Variants in RAB6B observed in about 807,000 individuals in gnomAD.
The protein encoded by RAB6B is RAB6B, member RAS oncogene family.
A neutral mutation model predicts 31.2 loss-of-function variants in RAB6B; 7 were observed. The observed-to-expected ratio is 0.22, with a 90% CI of 0.13 to 0.42. RAB6B has a LOEUF of 0.42. Ranked by LOEUF, RAB6B falls within the 10% of genes least tolerant of loss-of-function variation. The probability of loss-of-function intolerance (pLI) is 1.00; values close to 1 mark genes in which losing one functional copy is unlikely to be tolerated. For missense variants in RAB6B, 149 were observed against 280.6 expected, an observed-to-expected ratio of 0.53 and a Z score of 3.35; for synonymous variants, 105 against 104.9, an observed-to-expected ratio of 1.00 and a Z score of -0.01.
chr3:133,833,144 T>C (rs1281684053), intron 7 of RAB6B, among the ~76,000 whole-genome samples: 1 of 152,184 alleles, frequency 6.6e-6, no homozygotes, highest in Non-Finnish European at 1.5e-5. Flanking sequence ...ATGTTTGCCC[T>C]TCAGGTTGGC....
chr3:133,848,297 C>G (rs1348063093), intron 2 of RAB6B, among the ~76,000 whole-genome samples: 2 of 152,190 alleles, frequency 1.3e-5, no homozygotes, highest in African/African-American at 2.4e-5. Flanking sequence ...GAACTGGTTG[C>G]TTGGCCTCCT....
intron 6 of RAB6B, among the ~76,000 whole-genome samples, chr3:133,835,116 G>C (rs192113518): frequency 6.6e-6 from 1 of 152,220 alleles, no homozygotes; most frequent in African/African-American, 2.4e-5. Context: ...CGAACAGCAG[G>C]GCCAGGGCTG....
rs1199817450 is a variant in RAB6B, at chr3:133,866,894, G to A, written c.71-2252C>T. On this transcript the variant is annotated intron_variant, in intron 1 of 7. Coordinates refer to ENST00000285208, the MANE Select transcript of RAB6B (RefSeq NM_016577.4). ...GCTGGTCACTTCCCTAGGCAGCGAC[G>A]CTCTGCGTCTTGCACCTTAGGGAAA... is the stretch of plus-strand genomic sequence containing the variant. Among the ~76,000 whole-genome samples, 5 of 152,276 alleles carry A rather than the reference G, an allele frequency of 3.3e-5. 1 individual carries two copies. The South Asian group carries it at 6.2e-4, about 19-fold the overall frequency.
intron 7 of RAB6B, among the ~76,000 whole-genome samples, chr3:133,831,119 A>G (rs540336638): frequency 6.6e-6 from 1 of 152,326 alleles, no homozygotes; most frequent in East Asian, 1.9e-4. Context: ...TTTGATCACA[A>G]TACTTTTGTA....
chr3:133,843,106 G>A (rs1935859805), intron 2 of RAB6B, among the ~76,000 whole-genome samples: 1 of 152,210 alleles, frequency 6.6e-6, no homozygotes, highest in Non-Finnish European at 1.5e-5. Context: ...CACCCTCCTG[G>A]AAGCTTGCCT....
chr3:133,879,038 T>C (rs1388527121), intron 1 of RAB6B, among the ~76,000 whole-genome samples: 6 of 152,192 alleles, frequency 3.9e-5, no homozygotes, highest in African/African-American at 2.4e-5. Flanking sequence ...GCCACTCATT[T>C]CTTGTGTGAT....
chr3:133,857,710 A>G (rs892125652), intron 2 of RAB6B, among the ~76,000 whole-genome samples: 2 of 152,210 alleles, frequency 1.3e-5, no homozygotes, highest in Admixed American at 1.3e-4. Flanking sequence ...AGCCATTTGC[A>G]AGCATTTTGG....
At chr3:133,850,782 T>C (rs183269587) in intron 2 of RAB6B, among the ~76,000 whole-genome samples, 16 of 152,092 alleles carry the variant, frequency 1.1e-4, no homozygotes, top group Admixed American at 9.2e-4. Context: ...GAGACACATT[T>C]ACAGATTCAA....
chr3:133,851,104 TAAAC>T (rs958703837), intron 2 of RAB6B, among the ~76,000 whole-genome samples: 1 of 151,148 alleles, frequency 6.6e-6, no homozygotes, highest in Non-Finnish European at 1.5e-5. Context: ...TATTTTTAGA[TAAAC>T]AAAAACAAAG....
intron 1 of RAB6B, among the ~76,000 whole-genome samples, chr3:133,889,786 C>A (rs1936612572): frequency 6.6e-6 from 1 of 152,118 alleles, no homozygotes; most frequent in South Asian, 2.1e-4. Flanking sequence ...AATCTGGGGG[C>A]TGCAAATGAT....
intron 2 of RAB6B, among the ~76,000 whole-genome samples, chr3:133,843,315 T>C (rs927751180): frequency 5.9e-5 from 9 of 152,238 alleles, no homozygotes; most frequent in Non-Finnish European, 8.8e-5. Flanking sequence ...AGCTGCAAAC[T>C]TGGCAGCACC....
At chr3:133,848,220 A>G (rs544538445) in intron 2 of RAB6B, among the ~76,000 whole-genome samples, 1 of 152,350 alleles carries the variant, frequency 6.6e-6, no homozygotes, top group Admixed American at 6.5e-5. Context: ...CGCCTCTGGA[A>G]GCCTGAAAGC....
intron 1 of RAB6B, among the ~76,000 whole-genome samples, chr3:133,868,239 C>T (rs1448441709): frequency 6.6e-6 from 1 of 152,194 alleles, no homozygotes; most frequent in Non-Finnish European, 1.5e-5. Context: ...GTGCTAGAAC[C>T]TGCAAATGGA....
At chr3:133,829,351 A>G (rs372761226) in intron 7 of RAB6B, among the ~76,000 whole-genome samples, 8 of 152,190 alleles carry the variant, frequency 5.3e-5, no homozygotes, top group African/African-American at 1.9e-4. Flanking sequence ...TGGTTACTGT[A>G]AGAAGCCACA....
chr3:133,841,047 A>C (rs1047192318), intron 4 of RAB6B, among the ~76,000 whole-genome samples: 2 of 152,164 alleles, frequency 1.3e-5, no homozygotes, highest in Non-Finnish European at 2.9e-5. Flanking sequence ...AGCAGGACCA[A>C]CCTGGCCCTA....
chr3:133,867,992 T>A (rs1292654922), intron 1 of RAB6B, among the ~76,000 whole-genome samples: 1 of 152,138 alleles, frequency 6.6e-6, no homozygotes, highest in Non-Finnish European at 1.5e-5. Flanking sequence ...ACCCCTGCAG[T>A]GGTATCCGAG....
chr3:133,841,243 C>T (rs1330149486), intron 4 of RAB6B, 42 bp downstream of exon 4: 7 of 1,600,674 alleles, frequency 4.4e-6, no homozygotes, highest in Middle Eastern at 1.7e-4. Flanking sequence ...GGCCCTGGAC[C>T]CCCTATGAGC....
chr3:133,845,124 C>T (rs574889663), intron 2 of RAB6B, among the ~76,000 whole-genome samples: 2 of 152,176 alleles, frequency 1.3e-5, no homozygotes, highest in African/African-American at 4.8e-5. Context: ...TTGGGAGGAA[C>T]AAGATCATCT....
chr3:133,836,164 G>A (rs554938303), intron 6 of RAB6B, among the ~76,000 whole-genome samples: 5 of 152,354 alleles, frequency 3.3e-5, no homozygotes, highest in African/African-American at 1.2e-4. Flanking sequence ...GGCCCAAGGG[G>A]GGAAGCTGCT....
Sources: allele counts gnomAD v4.1 joint callset (sites outside exome capture counted in the v4.1 genomes callset), GRCh38; gene constraint gnomAD v4.1.1; transcripts MANE v1.5; gene names NCBI Gene and HGNC (gene_info 2026-07-23, HGNC 2026-07-21).